Variants in PDE8B observed in about 807,000 individuals in gnomAD.
PDE8B encodes phosphodiesterase 8B.
In PDE8B, 26 loss-of-function variants were observed where a neutral mutation model predicts 101.3. That is an observed-to-expected ratio of 0.26 (90% CI 0.19 to 0.36). PDE8B has a LOEUF of 0.36. Among genes scored for constraint, PDE8B ranks in the 10% least tolerant of loss-of-function variants. PDE8B has a pLI of 1.00. For synonymous variants in PDE8B, 424 were observed against 429.3 expected (o/e 0.99, Z 0.15); for missense variants, 810 against 1,163.1 (o/e 0.70, Z 4.42).
Position 77,427,319 on chromosome 5 carries a change from G to T in PDE8B, c.*765G>T, listed in dbSNP as rs1279947344. ...AATCCATGAGCTTCCTTTATTTCTG[G>T]CTCACAGAGGCAGCCACGAGGCACT... On this transcript the variant is annotated 3_prime_UTR_variant, in exon 22 of 22. Transcript: ENST00000264917. The T allele has an allele frequency of 6.6e-6, 1 of 151,756 alleles. No individual in the cohort carries two copies. Among genetic ancestry groups the T allele is most frequent in the Admixed American group, 6.6e-5 (1 of 15,170 alleles). The allele number at this position is 151,756 out of a possible 1,614,324, so 9.4% of individuals were successfully genotyped here.
chr5:77,342,769 A>G (rs904708434), intron 6 of PDE8B, among the ~76,000 whole-genome samples: 5 of 152,206 alleles, frequency 3.3e-5, no homozygotes, highest in African/African-American at 1.2e-4. Context: ...AGGGAAGGTC[A>G]CCAAGAAAAG....
At chr5:77,216,904 A>G (rs914760382) in intron 1 of PDE8B, among the ~76,000 whole-genome samples, 1 of 152,138 alleles carries the variant, frequency 6.6e-6, no homozygotes, top group Non-Finnish European at 1.5e-5. Flanking sequence ...GCATATCCCA[A>G]AGGCTCTTCG....
At chr5:77,099,785 T>A in the PDE8B span, among the ~76,000 whole-genome samples, 1 of 152,192 alleles carries the variant, frequency 6.6e-6, no homozygotes, top group South Asian at 2.1e-4. Flanking sequence ...AATTTTTGTA[T>A]TTTTAGTAGA....
the PDE8B span, among the ~76,000 whole-genome samples, chr5:77,156,564 T>A: frequency 1.3e-5 from 2 of 152,178 alleles, no homozygotes; most frequent in Admixed American, 1.3e-4. Context: ...GATGCCAAGA[T>A]GAATAAGGCC....
chr5:77,181,158 C>A, the PDE8B span, among the ~76,000 whole-genome samples: 1 of 143,028 alleles, frequency 7.0e-6, no homozygotes, highest in Non-Finnish European at 1.5e-5. Context: ...GGTGAATAGA[C>A]GGAGCGTGGA....
chr5:77,163,893 C>T, the PDE8B span, among the ~76,000 whole-genome samples: 1 of 152,340 alleles, frequency 6.6e-6, no homozygotes, highest in East Asian at 1.9e-4. Flanking sequence ...CCCCACTGAT[C>T]AGTTAAACGT....
intron 1 of PDE8B, among the ~76,000 whole-genome samples, chr5:77,213,205 C>T (rs577760369): frequency 6.6e-6 from 1 of 152,184 alleles, no homozygotes; most frequent in East Asian, 1.9e-4. Context: ...AAAGGCTTGA[C>T]CTGGGTAGGA....
the PDE8B span, among the ~76,000 whole-genome samples, chr5:77,203,341 T>G: frequency 6.6e-6 from 1 of 152,224 alleles, no homozygotes; most frequent in South Asian, 2.1e-4. Context: ...CTCTCTGGGC[T>G]TGGATTAATT....
intron 1 of PDE8B, among the ~76,000 whole-genome samples, chr5:77,234,947 A>C (rs1754367941): frequency 6.6e-6 from 1 of 152,214 alleles, no homozygotes; most frequent in South Asian, 2.1e-4. Context: ...AATGCCTGAC[A>C]CTTCGTAAAT....
At chr5:77,302,536 TG>T (rs1482730571) in intron 1 of PDE8B, among the ~76,000 whole-genome samples, 4 of 152,188 alleles carry the variant, frequency 2.6e-5, no homozygotes, top group Admixed American at 6.5e-5. Flanking sequence ...TGCCAAACGT[TG>T]TGCACACCGA....
Position 77,413,004 on chromosome 5 carries a change from G to A in PDE8B, c.1713-107G>A, listed in dbSNP as rs545666193. 4 of 895,196 alleles carry A rather than the reference G, an allele frequency of 4.5e-6. No homozygotes were observed. In the East Asian group the frequency reaches 9.6e-5, roughly 22 times the overall value. 55.5% of individuals were successfully genotyped at this position (895,196 alleles called of 1,614,324 possible). A position where few individuals can be genotyped will look rare whatever the true frequency, so the allele number is the denominator to read the frequency against. On this transcript the variant is annotated intron_variant, in intron 16 of 21. Transcript: ENST00000264917. Reference sequence around the variant, plus strand: ...GATGCTTTTAAACCCCTGTGTGTGTGAAGCTATCATCAGAAGAAAAATGCT... The same window carrying A: ...GATGCTTTTAAACCCCTGTGTGTGTAAAGCTATCATCAGAAGAAAAATGCT...
At chr5:77,116,628 C>G in the PDE8B span, among the ~76,000 whole-genome samples, 1 of 152,124 alleles carries the variant, frequency 6.6e-6, no homozygotes, top group Non-Finnish European at 1.5e-5. Flanking sequence ...CTATATTGTA[C>G]AGTAAAGTAA....
chr5:77,211,042 C>A lies in PDE8B; in HGVS notation c.117C>A (p.Pro39=). 1 of 1,535,550 alleles carries A rather than the reference C, an allele frequency of 6.5e-7. No homozygotes were observed. The highest frequency in any genetic ancestry group is 1.2e-5 in the South Asian group (1 of 83,720). The change falls in exon 1 of 22, where the codon CCC becomes CCA. Residue 39 remains proline, a synonymous_variant. Transcript: ENST00000264917. This position sits in a 1 kb window ranked among gnomAD's most constrained non-coding sequence, Gnocchi z 4.1. ...GCGTGTCGCAGGGCCCGGCGGCACC[C>A]CTGCCCGGCCTCTTCGTCCAGACCG... ...TTSVSQGPAA[P]LPGLFVQTDA... is the part of the protein sequence containing the mutation.
chr5:77,131,846 G>T, the PDE8B span, among the ~76,000 whole-genome samples: 1 of 152,072 alleles, frequency 6.6e-6, no homozygotes. Context: ...CCTTTCCAGA[G>T]TTAGAAAGGG....
At chr5:77,113,628 A>G in the PDE8B span, 4 of 152,258 alleles carry the variant, frequency 2.6e-5, no homozygotes, top group Non-Finnish European at 5.9e-5. Flanking sequence ...CTACAACACC[A>G]AAAGCAATGG....
At chr5:77,095,914 C>G in the PDE8B span, among the ~76,000 whole-genome samples, 1 of 152,120 alleles carries the variant, frequency 6.6e-6, no homozygotes, top group African/African-American at 2.4e-5. Context: ...AAACTAGACC[C>G]TATTCAGACA....
the PDE8B span, among the ~76,000 whole-genome samples, chr5:77,133,808 G>A: frequency 1.1e-4 from 16 of 152,286 alleles, no homozygotes; most frequent in African/African-American, 3.8e-4. Flanking sequence ...AGGTTTCAAG[G>A]AACATGTAGG....
At chr5:77,173,982 C>A in the PDE8B span, among the ~76,000 whole-genome samples, 1 of 152,200 alleles carries the variant, frequency 6.6e-6, no homozygotes, top group Non-Finnish European at 1.5e-5. Context: ...CTGGGACCAA[C>A]CACTGGCCTG....
chr5:77,131,524 A>G, the PDE8B span, among the ~76,000 whole-genome samples: 3 of 152,238 alleles, frequency 2.0e-5, no homozygotes, highest in Non-Finnish European at 4.4e-5. Flanking sequence ...TTAAGTCCAG[A>G]TGTGCAAACT....
Sources: allele counts gnomAD v4.1 joint callset (sites outside exome capture counted in the v4.1 genomes callset), GRCh38; gene constraint gnomAD v4.1.1; non-coding constraint Gnocchi (gnomAD v3.1); transcripts MANE v1.5; gene names NCBI Gene and HGNC (gene_info 2026-07-23, HGNC 2026-07-21).